Variants in RBFOX3 observed in about 807,000 individuals in gnomAD.
RBFOX3 encodes the protein RNA binding fox-1 homolog 3.
In RBFOX3, 17 loss-of-function variants were observed where a neutral mutation model predicts 48.7. That is an observed-to-expected ratio of 0.35 (90% CI 0.24 to 0.52). RBFOX3 has a LOEUF of 0.52. RBFOX3 is among the 20% of genes least tolerant of loss of function. RBFOX3 has a pLI of 0.94. For missense variants in RBFOX3, 382 were observed against 497.5 expected (o/e 0.77, Z 2.21); for synonymous variants, 212 against 209.5 (o/e 1.01, Z -0.10).
chr17:79,524,536 C>G (rs2086545864), intron 1 of RBFOX3, among the ~76,000 whole-genome samples: 1 of 152,150 alleles, frequency 6.6e-6, no homozygotes, highest in Non-Finnish European at 1.5e-5. Flanking sequence ...CAGCATCCCC[C>G]TCCTAGGAGG....
intron 4 of RBFOX3, among the ~76,000 whole-genome samples, chr17:79,229,979 G>A (rs72846806): frequency 0.11 from 16,366 of 152,218 alleles, 1,033 homozygotes; most frequent in East Asian, 0.3. Context: ...GAGATGCTGT[G>A]CCCAGATAAA....
chr17:79,617,422 G>A, the RBFOX3 span, among the ~76,000 whole-genome samples: 5 of 151,908 alleles, frequency 3.3e-5, no homozygotes, highest in East Asian at 1.9e-4. Context: ...CCACACCCAC[G>A]GACACCCCAG....
At chr17:79,107,201 G>C (rs2077548365) in intron 5 of RBFOX3, among the ~76,000 whole-genome samples, 1 of 152,234 alleles carries the variant, frequency 6.6e-6, no homozygotes, top group African/African-American at 2.4e-5. Context: ...TCCTGATGAT[G>C]AAGTGGTGAA....
At chr17:79,351,421 C>G (rs1428400343) in intron 2 of RBFOX3, among the ~76,000 whole-genome samples, 2 of 152,132 alleles carry the variant, frequency 1.3e-5, no homozygotes, top group Non-Finnish European at 1.5e-5. Flanking sequence ...CCCATTCTTG[C>G]TTTTTTTAAG....
Position 79,481,720 on chromosome 17 carries a change from G to A in RBFOX3, c.-175+734C>T, listed in dbSNP as rs1184159549. On this transcript the variant is annotated intron_variant, in intron 2 of 14. Coordinates refer to ENST00000693108, the MANE Select transcript of RBFOX3 (RefSeq NM_001350451.2). The surrounding 1 kb of genome is among the most constrained non-coding windows in gnomAD (Gnocchi z 5.4). ...CATGGGGAATGGGTGTGGATGCTCC[G>A]AACTCAACCTGTGTGTATCATACGA... is the stretch of plus-strand genomic sequence containing the variant. Among the ~76,000 whole-genome samples the A allele has an allele frequency of 3.0e-4, 45 of 152,264 alleles. No individual in the cohort carries two copies. The highest frequency in any genetic ancestry group is 3.9e-4 in the East Asian group (2 of 5,182).
At chr17:79,424,607 C>T (rs868925066) in intron 2 of RBFOX3, among the ~76,000 whole-genome samples, 1 of 152,192 alleles carries the variant, frequency 6.6e-6, no homozygotes, top group Non-Finnish European at 1.5e-5. Flanking sequence ...GGACCACCCC[C>T]TCCCCCACCA....
chr17:79,442,505 G>A lies in RBFOX3; in HGVS notation c.-175+39949C>T, dbSNP rs555046673. Among the ~76,000 whole-genome samples the A allele has an allele frequency of 2.8e-3, 420 of 151,786 alleles. 4 individuals carry two copies. Among genetic ancestry groups the A allele is most frequent in the Non-Finnish European group, 4.6e-3 (310 of 67,832 alleles). On this transcript the variant is annotated intron_variant, in intron 2 of 14. Transcript: ENST00000693108. ...TGCAAGGCCCCTTGTGGTGAGAGGCGTATGGTAAGAGCTCCAAATGGCGGT... is the reference window on the plus strand; with the variant it reads ...TGCAAGGCCCCTTGTGGTGAGAGGCATATGGTAAGAGCTCCAAATGGCGGT...
At chr17:79,303,204 T>C (rs578135135) in intron 3 of RBFOX3, among the ~76,000 whole-genome samples, 166 of 152,322 alleles carry the variant, frequency 1.1e-3, no homozygotes, top group Non-Finnish European at 1.9e-3. Context: ...CAAGACCTTG[T>C]CTCAAATAGT....
chr17:79,355,603 C>T (rs998255123), intron 2 of RBFOX3, among the ~76,000 whole-genome samples: 2 of 151,174 alleles, frequency 1.3e-5, no homozygotes, highest in Non-Finnish European at 1.5e-5. Flanking sequence ...TTTTCCGAAA[C>T]GGAGTCTTGC....
At chr17:79,625,589 C>T in the RBFOX3 span, among the ~76,000 whole-genome samples, 8 of 152,230 alleles carry the variant, frequency 5.3e-5, no homozygotes, top group African/African-American at 9.6e-5. Flanking sequence ...GTCAGGAATT[C>T]GAGACCAGCC....
intron 1 of RBFOX3, chr17:79,601,403 G>C (rs989084251): frequency 1.3e-5 from 2 of 152,312 alleles, no homozygotes; most frequent in Non-Finnish European, 2.9e-5. Flanking sequence ...CGGGAGAACA[G>C]AGCTGGTCCA....
rs577973070 is a variant in RBFOX3 at position 79,330,688 on chromosome 17, G to C, written c.-174-22864C>G. On this transcript the variant is annotated intron_variant, in intron 2 of 14. Coordinates refer to ENST00000693108, the MANE Select transcript of RBFOX3 (RefSeq NM_001350451.2). ...CAAAATCCAGCCCCACGGCCACCAT[G>C]TGGGCTTGGGGATCATGAAGTCACG... Among the ~76,000 whole-genome samples the C allele has an allele frequency of 2.8e-3, 426 of 152,232 alleles. 1 individual carries two copies. The highest frequency in any genetic ancestry group is 9.8e-3 in the African/African-American group (408 of 41,536).
chr17:79,211,618 G>A (rs945086965), intron 4 of RBFOX3, among the ~76,000 whole-genome samples: 3 of 152,118 alleles, frequency 2.0e-5, no homozygotes, highest in African/African-American at 4.8e-5. Flanking sequence ...TCCTTCCCAC[G>A]CTCAGACTCC....
intron 2 of RBFOX3, among the ~76,000 whole-genome samples, chr17:79,386,796 G>A (rs2060624822): frequency 6.6e-6 from 1 of 152,216 alleles, no homozygotes; most frequent in Non-Finnish European, 1.5e-5. Flanking sequence ...TGCTAAGAAG[G>A]CTAAGTTCTC....
intron 4 of RBFOX3, among the ~76,000 whole-genome samples, chr17:79,170,905 T>C (rs1004166665): frequency 1.3e-5 from 2 of 152,166 alleles, no homozygotes; most frequent in Non-Finnish European, 2.9e-5. Flanking sequence ...CTCAACCCTG[T>C]CTTTCCACGT....
rs559255993 is a variant in RBFOX3 at position 79,169,998 on chromosome 17, G to A, written c.-33-54250C>T. On this transcript the variant is annotated intron_variant, in intron 4 of 14. Coordinates refer to ENST00000693108, the MANE Select transcript of RBFOX3 (RefSeq NM_001350451.2). ...GGAGAGAGTTAAAAAAGGAGGAAAAGTGGGAGGAAAGAAGGAGGGAAGGGC... is the reference window on the plus strand; with the variant it reads ...GGAGAGAGTTAAAAAAGGAGGAAAAATGGGAGGAAAGAAGGAGGGAAGGGC... 4.6e-5 allele frequency among the ~76,000 whole-genome samples: 7 copies of A among 151,552 alleles called. No homozygotes were observed. In the South Asian group the frequency reaches 1.3e-3, roughly 27 times the overall value.
chr17:79,570,697 C>G (rs1244146234), intron 1 of RBFOX3, among the ~76,000 whole-genome samples: 1 of 152,176 alleles, frequency 6.6e-6, no homozygotes, highest in Non-Finnish European at 1.5e-5. Context: ...ACAGACCCCA[C>G]CCCTGGGGAC....
intron 2 of RBFOX3, among the ~76,000 whole-genome samples, chr17:79,440,848 G>C (rs1419124172): frequency 6.6e-6 from 1 of 152,112 alleles, no homozygotes; most frequent in Non-Finnish European, 1.5e-5. Context: ...CCTTCACCCA[G>C]GGTTTGTCCC....
intron 4 of RBFOX3, among the ~76,000 whole-genome samples, chr17:79,137,869 T>C (rs1171723623): frequency 3.3e-5 from 5 of 152,322 alleles, no homozygotes; most frequent in Middle Eastern, 6.8e-3. Flanking sequence ...TCCCGGGTAA[T>C]TGAGGGAGCC....
Sources: gnomAD v4.1 joint callset for allele counts (sites outside exome capture counted in the v4.1 genomes callset) on GRCh38, gnomAD v4.1.1 for gene constraint, Gnocchi (gnomAD v3.1) non-coding constraint, MANE v1.5 for transcripts, NCBI Gene and HGNC (gene_info 2026-07-23, HGNC 2026-07-21) for gene names.